The following CRPPA variants were observed in gnomAD, a reference collection of about 807,000 sequenced individuals.
CRPPA encodes CDP-L-ribitol pyrophosphorylase A, also known as D-ribitol-5-phosphate cytidylyltransferase.
CRPPA carries 43 observed loss-of-function variants against 52.0 expected under a neutral mutation model. The ratio of observed to expected loss-of-function variants is 0.83; its 90% confidence interval spans 0.65 to 1.07. The LOEUF is 1.07. Among genes scored for constraint, CRPPA ranks in the 50% least tolerant of loss-of-function variants. CRPPA has a pLI of 0.00. For synonymous variants in CRPPA, 250 were observed against 203.5 expected (o/e 1.23, Z -1.94); for missense variants, 629 against 551.7 (o/e 1.14, Z -1.40).
chr7:16,265,608 T>C (rs1218183420), intron 6 of CRPPA, among the ~76,000 whole-genome samples: 1 of 152,192 alleles, frequency 6.6e-6, no homozygotes, highest in African/African-American at 2.4e-5. Context: ...CATTCATGTT[T>C]TGGGTCACCT....
intron 3 of CRPPA, among the ~76,000 whole-genome samples, chr7:16,320,762 G>C (rs1785246940): frequency 6.6e-6 from 1 of 152,068 alleles, no homozygotes; most frequent in Non-Finnish European, 1.5e-5. Flanking sequence ...TCAAACTTAA[G>C]CATTTTGCAT....
intron 8 of CRPPA, among the ~76,000 whole-genome samples, chr7:16,249,000 T>C (rs936994664): frequency 1.1e-4 from 16 of 152,144 alleles, no homozygotes; most frequent in African/African-American, 3.9e-4. Context: ...AGTACAGCAG[T>C]CTGAGATCGA....
chr7:16,418,277 G>A (rs1788243085), intron 1 of CRPPA, among the ~76,000 whole-genome samples: 1 of 152,192 alleles, frequency 6.6e-6, no homozygotes, highest in African/African-American at 2.4e-5. Flanking sequence ...AATGAGCCAT[G>A]AAGTATTTCA....
chr7:16,355,809 T>C (rs6948482), intron 3 of CRPPA, among the ~76,000 whole-genome samples: 139,938 of 152,174 alleles, frequency 0.92, 64,686 homozygotes, highest in East Asian at 0.98. Flanking sequence ...CAGGTTATCC[T>C]AGCAAAGGGG....
At chr7:16,313,146 T>C (rs12111927) in intron 3 of CRPPA, among the ~76,000 whole-genome samples, 1,606 of 152,108 alleles carry the variant, frequency 0.011, 38 homozygotes, top group African/African-American at 0.037. Flanking sequence ...AGAGTTAGTA[T>C]AATTTCTTCC....
chr7:16,297,609 G>A (rs1293485982), intron 5 of CRPPA, among the ~76,000 whole-genome samples: 3 of 152,194 alleles, frequency 2.0e-5, no homozygotes, highest in Non-Finnish European at 2.9e-5. Context: ...ATACAGTGTT[G>A]CAGGCAATGC....
At chr7:16,286,044 A>T (rs10235510) in intron 5 of CRPPA, among the ~76,000 whole-genome samples, 1,038 of 12,378 alleles carry the variant, frequency 0.084, 82 homozygotes, top group Middle Eastern at 0.25. Flanking sequence ...AAAAAATATA[A>T]ATATATATAT....
At chr7:16,167,956 T>C (rs1781101947) in intron 9 of CRPPA, among the ~76,000 whole-genome samples, 1 of 152,234 alleles carries the variant, frequency 6.6e-6, no homozygotes, top group Non-Finnish European at 1.5e-5. Flanking sequence ...CTGCGCTCTG[T>C]GTAAATACGC....
At chr7:16,342,569 T>A (rs1210363446) in intron 3 of CRPPA, among the ~76,000 whole-genome samples, 1 of 151,522 alleles carries the variant, frequency 6.6e-6, no homozygotes, top group Non-Finnish European at 1.5e-5. Context: ...TTTGTGTATT[T>A]GGCTCTTATT....
chr7:16,321,037 C>A (rs1168444813), intron 3 of CRPPA, among the ~76,000 whole-genome samples: 1 of 152,070 alleles, frequency 6.6e-6, no homozygotes, highest in Non-Finnish European at 1.5e-5. Flanking sequence ...AAATGCCTAT[C>A]AGTGGGGAAA....
At chr7:16,383,054 G>A (rs1320183955) in intron 2 of CRPPA, among the ~76,000 whole-genome samples, 2 of 152,226 alleles carry the variant, frequency 1.3e-5, no homozygotes, top group Non-Finnish European at 2.9e-5. Context: ...TTCCTTTGGA[G>A]GAGGAGAAGT....
chr7:16,228,970 T>C (rs1720442968), intron 8 of CRPPA, among the ~76,000 whole-genome samples: 1 of 152,056 alleles, frequency 6.6e-6, no homozygotes, highest in Non-Finnish European at 1.5e-5. Context: ...TATTATATAT[T>C]TAGGTATTCC....
intron 6 of CRPPA, among the ~76,000 whole-genome samples, chr7:16,260,013 T>C (rs1399805085): frequency 6.6e-6 from 1 of 151,896 alleles, no homozygotes; most frequent in Non-Finnish European, 1.5e-5. Flanking sequence ...AGCATAAAGC[T>C]CAAAGATTTT....
At chr7:16,400,172 G>A (rs529742419) in intron 2 of CRPPA, among the ~76,000 whole-genome samples, 2 of 152,132 alleles carry the variant, frequency 1.3e-5, no homozygotes, top group South Asian at 2.1e-4. Context: ...GTGATGACAC[G>A]TTTGTGACGT....
chr7:16,183,022 A>C (rs1781442248), intron 9 of CRPPA, among the ~76,000 whole-genome samples: 1 of 152,160 alleles, frequency 6.6e-6, no homozygotes, highest in African/African-American at 2.4e-5. Context: ...TCTATTTCAA[A>C]ATTCAAGTTC....
At chr7:16,159,378 T>C (rs775974912) in intron 9 of CRPPA, among the ~76,000 whole-genome samples, 9 of 152,164 alleles carry the variant, frequency 5.9e-5, no homozygotes, top group Non-Finnish European at 1.3e-4. Flanking sequence ...CCCTCTATTA[T>C]TGTGTTCCCC....
intron 8 of CRPPA, among the ~76,000 whole-genome samples, chr7:16,223,546 A>T (rs888278430): frequency 6.6e-6 from 1 of 152,200 alleles, no homozygotes; most frequent in African/African-American, 2.4e-5. Context: ...AACAGAAGAC[A>T]ATCTCCTGCA....
chr7:16,230,902 T>C (rs1782775759), intron 8 of CRPPA, among the ~76,000 whole-genome samples: 1 of 152,110 alleles, frequency 6.6e-6, no homozygotes, highest in South Asian at 2.1e-4. Context: ...TGCTGAGTGC[T>C]GTTCAGAGGA....
At chr7:16,356,976 T>C (rs1054051010) in intron 3 of CRPPA, among the ~76,000 whole-genome samples, 1 of 152,098 alleles carries the variant, frequency 6.6e-6, no homozygotes, top group Non-Finnish European at 1.5e-5. Context: ...GCCAAAGATG[T>C]TTATCAAACT....
Sources: allele counts gnomAD v4.1 joint callset (sites outside exome capture counted in the v4.1 genomes callset), GRCh38; gene constraint gnomAD v4.1.1; transcripts MANE v1.5; gene names NCBI Gene and HGNC (gene_info 2026-07-23, HGNC 2026-07-21).